Variants in RDH10 observed in about 807,000 individuals in gnomAD.
RDH10 encodes the protein retinol dehydrogenase 10 (all-trans).
Under a neutral mutation model 30.2 loss-of-function variants are expected in RDH10, and 12 were observed. The ratio of observed to expected loss-of-function variants is 0.40; its 90% CI spans 0.25 to 0.64. The LOEUF (loss-of-function observed/expected upper bound fraction) is 0.64. RDH10 is among the 30% of genes least tolerant of loss of function. The pLI, the probability that RDH10 is intolerant of heterozygous loss-of-function variation, is 0.43. For synonymous variants in RDH10, 189 were observed against 172.2 expected, an observed-to-expected ratio of 1.10 and a Z score of -0.76; for missense variants, 268 against 445.2, an observed-to-expected ratio of 0.60 and a Z score of 3.58.
chr8:73,300,919 C>T (rs1032693698), intron 2 of RDH10, among the ~76,000 whole-genome samples: 2 of 151,944 alleles, frequency 1.3e-5, no homozygotes, highest in Admixed American at 6.6e-5. Flanking sequence ...TAAGGTTTTT[C>T]TTTTCTTTCC....
At chr8:73,310,971 C>T (rs1000150814) in intron 2 of RDH10, 5 of 152,148 alleles carry the variant, frequency 3.3e-5, no homozygotes, top group African/African-American at 9.6e-5. Context: ...AAGGCACAGC[C>T]GTGACATCAT....
intron 4 of RDH10, chr8:73,322,321 G>C (rs964801624): frequency 2.8e-5 from 8 of 282,134 alleles, no homozygotes; most frequent in African/African-American, 1.8e-4. Context: ...CTAAAAGCTT[G>C]GCATCTTGCT....
rs1814795572 is a variant in RDH10, at chr8:73,322,969, G to T, written c.959G>T (p.Cys320Phe). 2 of 1,613,810 alleles carry T rather than the reference G, an allele frequency of 1.2e-6. No homozygotes were observed. Reference protein sequence around the residue: ...CMYRFLGADKCMYPFIAQRKQ... With the variant: ...CMYRFLGADKFMYPFIAQRKQ... ...TATCGGTTCCTAGGAGCGGACAAGT[G>T]TATGTACCCCTTTATTGCTCAAAGA... Residue 320 changes from cysteine (C) to phenylalanine (F), a missense_variant, in exon 6 of 6, where the codon TGT (cysteine) becomes TTT (phenylalanine). Around this residue, in one of 4 missense-constraint regions of RDH10, gnomAD observed 136 missense variants for 288.8 expected, o/e 0.47. Coordinates refer to ENST00000240285, the MANE Select transcript of RDH10 (RefSeq NM_172037.5).
In RDH10 at chr8:73,324,475, G is replaced by A. The variant is rs563053209; in HGVS notation, c.*1439G>A. On this transcript the variant is annotated 3_prime_UTR_variant, in exon 6 of 6. Transcript: ENST00000240285. Reference sequence around the variant, plus strand: ...TTTTAGAATGTCTTGTTTAAATAGTGGCCAATGTTTAAGGCTGTTAAAATA... The same window carrying A: ...TTTTAGAATGTCTTGTTTAAATAGTAGCCAATGTTTAAGGCTGTTAAAATA... 1.3e-5 allele frequency: 2 copies of A among 152,332 alleles called. No individual in the cohort carries two copies. The highest frequency in any genetic ancestry group is 3.9e-4 in the East Asian group (2 of 5,168). The allele number at this position is 152,332 out of a possible 1,614,324, so 9.4% of individuals were successfully genotyped here. A position where few individuals can be genotyped will look rare whatever the true frequency, so the allele number is the denominator to read the frequency against.
chr8:73,295,907 G>C (rs1325148661), intron 1 of RDH10: 8 of 1,088,132 alleles, frequency 7.4e-6, no homozygotes, highest in Non-Finnish European at 9.1e-6. Context: ...GAAATGTCTT[G>C]CTCCGACTTA....
intron 2 of RDH10, among the ~76,000 whole-genome samples, chr8:73,317,761 AAATT>A (rs1464572144): frequency 6.6e-6 from 1 of 151,942 alleles, no homozygotes; most frequent in Admixed American, 6.6e-5. Flanking sequence ...TCTCTACAAA[AAATT>A]AAAAATTAGC....
chr8:73,305,863 G>T (rs971586494), intron 2 of RDH10, among the ~76,000 whole-genome samples: 1 of 152,164 alleles, frequency 6.6e-6, no homozygotes, highest in Non-Finnish European at 1.5e-5. Flanking sequence ...TGCCTCAGCT[G>T]AATGGGTTAA....
chr8:73,303,634 T>C (rs1380736366), intron 2 of RDH10, among the ~76,000 whole-genome samples: 3 of 152,236 alleles, frequency 2.0e-5, no homozygotes, highest in Admixed American at 6.5e-5. Context: ...GAGTTGTAAA[T>C]TGACCTGGGG....
intron 2 of RDH10, among the ~76,000 whole-genome samples, chr8:73,308,700 T>A (rs533184192): frequency 3.9e-5 from 6 of 152,254 alleles, no homozygotes; most frequent in African/African-American, 1.4e-4. Flanking sequence ...GTCCACAAAG[T>A]CCCATGGTCA....
chr8:73,315,658 G>C, intron 2 of RDH10: 1 of 447,660 alleles, frequency 2.2e-6, no homozygotes, highest in Non-Finnish European at 4.5e-6. Flanking sequence ...CAGCCAACCT[G>C]CTATGGTGTC....
intron 2 of RDH10, among the ~76,000 whole-genome samples, chr8:73,303,037 G>A (rs915508433): frequency 6.6e-6 from 1 of 151,658 alleles, no homozygotes; most frequent in South Asian, 2.1e-4. Flanking sequence ...TATTGATATG[G>A]TAGTCAGACA....
chr8:73,299,908 A>G (rs1814345406), intron 2 of RDH10, among the ~76,000 whole-genome samples: 1 of 152,224 alleles, frequency 6.6e-6, no homozygotes, highest in South Asian at 2.1e-4. Flanking sequence ...TCTTTCTAAT[A>G]TTAGGCTACT....
intron 2 of RDH10, among the ~76,000 whole-genome samples, chr8:73,309,071 A>G (rs919898714): frequency 1.5e-4 from 23 of 149,350 alleles, no homozygotes; most frequent in African/African-American, 4.9e-4. Context: ...TCTCCCCCTT[A>G]CCCACATACA....
chr8:73,316,048 G>T (rs916764867), intron 2 of RDH10, among the ~76,000 whole-genome samples: 1 of 152,140 alleles, frequency 6.6e-6, no homozygotes, highest in African/African-American at 2.4e-5. Context: ...GCAGGGTCTC[G>T]CTCTGTCGCC....
chr8:73,301,413 T>C (rs1270710873), intron 2 of RDH10, among the ~76,000 whole-genome samples: 1 of 152,070 alleles, frequency 6.6e-6, no homozygotes, highest in Non-Finnish European at 1.5e-5. Flanking sequence ...ATTTAGAAGA[T>C]AACCTATTCA....
At chr8:73,320,828 T>A in intron 3 of RDH10, 104 bp from the exon 4 acceptor site, 2 of 1,081,012 alleles carry the variant, frequency 1.9e-6, no homozygotes, top group Non-Finnish European at 2.7e-6. Flanking sequence ...TGTAACCTTA[T>A]GTATTAGACA....
chr8:73,309,085 A>G (rs1047083585), intron 2 of RDH10, among the ~76,000 whole-genome samples: 1 of 144,486 alleles, frequency 6.9e-6, no homozygotes, highest in African/African-American at 2.5e-5. Context: ...ACATACACAC[A>G]CTTTTTTTTT....
chr8:73,308,992 G>A (rs1814511237), intron 2 of RDH10, among the ~76,000 whole-genome samples: 1 of 152,112 alleles, frequency 6.6e-6, no homozygotes, highest in Non-Finnish European at 1.5e-5. Context: ...TCAGAGCCCA[G>A]GTGATTCCTA....
chr8:73,304,488 A>T (rs1050025515), intron 2 of RDH10, among the ~76,000 whole-genome samples: 1 of 152,176 alleles, frequency 6.6e-6, no homozygotes, highest in Non-Finnish European at 1.5e-5. Context: ...TGAGTTTGTT[A>T]TCTGCCTGCT....
Sources: gnomAD v4.1 joint callset for allele counts (sites outside exome capture counted in the v4.1 genomes callset) on GRCh38, gnomAD v4.1.1 for gene constraint, gnomAD v4.1.1 regional missense constraint, MANE v1.5 for transcripts, NCBI Gene and HGNC (gene_info 2026-07-23, HGNC 2026-07-21) for gene names.